HDAC9: variants seen among roughly 807,000 people sequenced by gnomAD.
The protein encoded by HDAC9 is MEF-2 interacting transcription repressor (MITR) protein.
A neutral mutation model predicts 139.4 loss-of-function variants in HDAC9; 41 were observed. The ratio of observed to expected loss-of-function variants is 0.29; its 90% CI spans 0.23 to 0.38. The LOEUF is 0.38. Ranked by LOEUF, HDAC9 falls within the 10% of genes least tolerant of loss-of-function variation. HDAC9 has a pLI of 1.00. For synonymous variants in HDAC9, 517 were observed against 476.2 expected, an observed-to-expected ratio of 1.09 and a Z score of -1.12; for missense variants, 1,147 against 1,297.0, an observed-to-expected ratio of 0.88 and a Z score of 1.78.
At chr7:18,906,640 G>A (rs1802286939) in intron 22 of HDAC9, among the ~76,000 whole-genome samples, 1 of 152,152 alleles carries the variant, frequency 6.6e-6, no homozygotes, top group Non-Finnish European at 1.5e-5. Flanking sequence ...AGGAAGCCCA[G>A]TTTATTTGCT....
Position 18,938,601 on chromosome 7 carries a change from AAAT to A in HDAC9, c.2937+2668_2937+2670del, listed in dbSNP as rs367681013. On this transcript the variant is annotated intron_variant, in intron 23 of 25. Transcript: ENST00000686413. Reference sequence around the variant, plus strand: ...CAGAGGCGAGACTCCGTCTCAAAAAAAATAATAATAAAAAAAAATCTCAAAATG... The same window carrying A: ...CAGAGGCGAGACTCCGTCTCAAAAAAAATAATAAAAAAAAATCTCAAAATG... Among the ~76,000 whole-genome samples, 86 of 152,166 alleles carry A rather than the reference AAAT, an allele frequency of 5.7e-4. No individual in the cohort carries two copies. The East Asian group carries it at 0.012, about 21-fold the overall frequency.
At chr7:18,814,426 C>T (rs748791984) in intron 17 of HDAC9, among the ~76,000 whole-genome samples, 11 of 151,992 alleles carry the variant, frequency 7.2e-5, no homozygotes, top group South Asian at 2.1e-4. Context: ...ATGTATATTG[C>T]GGATGTTCCT....
At chr7:18,618,122 CT>C (rs1839169133) in intron 6 of HDAC9, among the ~76,000 whole-genome samples, 1 of 151,928 alleles carries the variant, frequency 6.6e-6, no homozygotes, top group South Asian at 2.1e-4. Flanking sequence ...AGACAAAAAC[CT>C]AAAGTAATAT....
At position 18,809,941 on chromosome 7, in the gene HDAC9, C is replaced by T. The variant is rs140699020; in HGVS notation, c.2322+16489C>T. 5.2e-4 allele frequency among the ~76,000 whole-genome samples: 79 copies of T among 152,036 alleles called. 1 individual carries two copies. Among genetic ancestry groups the T allele is most frequent in the African/African-American group, 1.8e-3 (73 of 41,518 alleles). ...CTCTCATGCTCTTTGAAGCATTACT[C>T]ACAATAGGCAAGATACGGAAAAAAC... On this transcript the variant is annotated intron_variant, in intron 17 of 25. Transcript: ENST00000686413.
intron 25 of HDAC9, among the ~76,000 whole-genome samples, chr7:18,990,565 G>A (rs1785812508): frequency 6.6e-6 from 1 of 152,260 alleles, no homozygotes; most frequent in African/African-American, 2.4e-5. Flanking sequence ...TTGAGCTGTG[G>A]TGGGCTCCAC....
chr7:18,871,925 C>T (rs1798949130), intron 21 of HDAC9, among the ~76,000 whole-genome samples: 1 of 152,080 alleles, frequency 6.6e-6, no homozygotes, highest in African/African-American at 2.4e-5. Flanking sequence ...AAATTGAGCA[C>T]ATCTTTAGAC....
intron 22 of HDAC9, among the ~76,000 whole-genome samples, chr7:18,888,479 G>A (rs1800375683): frequency 6.6e-6 from 1 of 152,132 alleles, no homozygotes; most frequent in African/African-American, 2.4e-5. Context: ...GATTTGATAC[G>A]TTTTCAATAA....
At chr7:18,409,461 G>A (rs1334216253) in intron 1 of HDAC9, among the ~76,000 whole-genome samples, 3 of 152,102 alleles carry the variant, frequency 2.0e-5, no homozygotes, top group Non-Finnish European at 4.4e-5. Context: ...GACAAGCATA[G>A]AAGAAAATAA....
intron 1 of HDAC9, among the ~76,000 whole-genome samples, chr7:18,100,873 T>C (rs1440921564): frequency 1.3e-5 from 2 of 152,172 alleles, no homozygotes; most frequent in African/African-American, 4.8e-5. Context: ...GAGTATTTTT[T>C]TTCTGGGATG....
intron 17 of HDAC9, among the ~76,000 whole-genome samples, chr7:18,826,009 G>A (rs531104356): frequency 1.3e-4 from 19 of 151,896 alleles, no homozygotes; most frequent in South Asian, 4.1e-4. Flanking sequence ...ATGTTAGTGC[G>A]AAAAGTTTTA....
chr7:18,745,513 A>T (rs1224464976), intron 13 of HDAC9, among the ~76,000 whole-genome samples: 1 of 149,716 alleles, frequency 6.7e-6, no homozygotes, highest in Non-Finnish European at 1.5e-5. Context: ...AAGCAATGTA[A>T]TGATTAGACT....
chr7:18,559,330 A>G (rs1380294564), intron 2 of HDAC9, among the ~76,000 whole-genome samples: 2 of 152,160 alleles, frequency 1.3e-5, no homozygotes, highest in Non-Finnish European at 2.9e-5. Flanking sequence ...TCTTTGCCCA[A>G]GTGTGTTCAA....
chr7:18,093,706 A>G (rs760067344), intron 1 of HDAC9, among the ~76,000 whole-genome samples: 6 of 152,174 alleles, frequency 3.9e-5, no homozygotes, highest in Non-Finnish European at 8.8e-5. Flanking sequence ...CTCTTTGGCC[A>G]TAGGGTTCTT....
At chr7:18,758,212 A>G (rs1385938974) in intron 14 of HDAC9, among the ~76,000 whole-genome samples, 2 of 152,172 alleles carry the variant, frequency 1.3e-5, no homozygotes, top group Non-Finnish European at 2.9e-5. Flanking sequence ...CCCAGATGAA[A>G]TCCATTCCTT....
At chr7:18,184,120 C>T (rs1053807308) in intron 2 of HDAC9, among the ~76,000 whole-genome samples, 28 of 152,020 alleles carry the variant, frequency 1.8e-4, no homozygotes, top group African/African-American at 4.6e-4. Flanking sequence ...AGCTATTGGC[C>T]GGGCGCGGCA....
At chr7:18,150,665 T>C (rs1410952176) in intron 1 of HDAC9, among the ~76,000 whole-genome samples, 1 of 152,246 alleles carries the variant, frequency 6.6e-6, no homozygotes, top group Non-Finnish European at 1.5e-5. Flanking sequence ...ACAACTTTTC[T>C]GTCTGGGTAT....
At chr7:18,143,502 A>T (rs1786062075) in intron 1 of HDAC9, among the ~76,000 whole-genome samples, 1 of 152,132 alleles carries the variant, frequency 6.6e-6, no homozygotes, top group African/African-American at 2.4e-5. Context: ...ATCAAGTAAA[A>T]ATTAAAAGCA....
chr7:18,535,722 CAAAAAAAAAAAAAAAAA>C (rs72123660), intron 2 of HDAC9, among the ~76,000 whole-genome samples: 2 of 49,232 alleles, frequency 4.1e-5, no homozygotes, highest in Admixed American at 3.1e-4. Flanking sequence ...AGGCATTAAG[CAAAAAAAAAAAAAAAAA>C]AAAAAAAAAA....
chr7:18,259,396 T>A (rs1795498143), intron 2 of HDAC9, among the ~76,000 whole-genome samples: 1 of 152,282 alleles, frequency 6.6e-6, no homozygotes, highest in Admixed American at 6.5e-5. Context: ...AGGATCTTGC[T>A]CTTTCCCCCA....
Sources: allele counts gnomAD v4.1 joint callset (sites outside exome capture counted in the v4.1 genomes callset), GRCh38; gene constraint gnomAD v4.1.1; transcripts MANE v1.5; gene names NCBI Gene and HGNC (gene_info 2026-07-23, HGNC 2026-07-21).